Variants in ARFGEF2 observed in about 807,000 individuals in gnomAD.
The protein encoded by ARFGEF2 is ARF guanine nucleotide exchange factor 2, also known as brefeldin A-inhibited guanine nucleotide-exchange protein 2.
In ARFGEF2, 74 loss-of-function variants were observed where a neutral mutation model predicts 219.9. The ratio of observed to expected loss-of-function variants is 0.34; its 90% confidence interval spans 0.28 to 0.41. The LOEUF is 0.41. Ranked by LOEUF, ARFGEF2 falls within the 10% of genes least tolerant of loss-of-function variation. The probability of loss-of-function intolerance (pLI) is 1.00; values close to 1 mark genes in which losing one functional copy is unlikely to be tolerated. For missense variants in ARFGEF2, 1,743 were observed against 2,218.3 expected, an observed-to-expected ratio of 0.79 and a Z score of 4.30; for synonymous variants, 733 against 799.2, an observed-to-expected ratio of 0.92 and a Z score of 1.40.
At chr20:49,008,660 A>G (rs533032063) in intron 26 of ARFGEF2, among the ~76,000 whole-genome samples, 25 of 151,790 alleles carry the variant, frequency 1.6e-4, no homozygotes, top group African/African-American at 4.6e-4. Flanking sequence ...TAATAGAGAT[A>G]GTGAAACGTG....
intron 20 of ARFGEF2, 102 bp from the exon 21 acceptor site, chr20:48,990,937 AT>A: frequency 1.6e-6 from 2 of 1,282,324 alleles, no homozygotes; most frequent in Non-Finnish European, 2.2e-6. Flanking sequence ...GTCAATGTGC[AT>A]ACAAAAAGTA....
chr20:48,929,236 G>C (rs2090898353), intron 1 of ARFGEF2, among the ~76,000 whole-genome samples: 1 of 152,218 alleles, frequency 6.6e-6, no homozygotes, highest in Admixed American at 6.5e-5. Context: ...TGCCTTGGGT[G>C]TAAACAAGCC....
chr20:49,011,579 G>A (rs531024872), intron 27 of ARFGEF2, among the ~76,000 whole-genome samples: 1 of 152,272 alleles, frequency 6.6e-6, no homozygotes, highest in South Asian at 2.1e-4. Context: ...TTCTGCCTGC[G>A]AGCACGTAAC....
chr20:49,030,311 T>C (rs2091626349), intron 37 of ARFGEF2, among the ~76,000 whole-genome samples: 1 of 152,148 alleles, frequency 6.6e-6, no homozygotes. Flanking sequence ...ACTTGGAATT[T>C]TCAGCAATTG....
chr20:48,991,512 G>A (rs1450847644), intron 21 of ARFGEF2, among the ~76,000 whole-genome samples: 1 of 151,096 alleles, frequency 6.6e-6, no homozygotes, highest in Non-Finnish European at 1.5e-5. Flanking sequence ...GAGCTTGGGA[G>A]CTCCTGTGAT....
intron 1 of ARFGEF2, among the ~76,000 whole-genome samples, chr20:48,937,392 G>C (rs2090965336): frequency 6.6e-6 from 1 of 152,172 alleles, no homozygotes; most frequent in Non-Finnish European, 1.5e-5. Context: ...GACTTTTCAA[G>C]AGTGTCTTTC....
chr20:48,991,233 G>C, intron 21 of ARFGEF2, 35 bp downstream of exon 21: 1 of 1,613,728 alleles, frequency 6.2e-7, no homozygotes, highest in Non-Finnish European at 8.5e-7. Context: ...TTCTCAGTTA[G>C]GATGACTCCT....
intron 25 of ARFGEF2, among the ~76,000 whole-genome samples, chr20:49,001,082 G>C: frequency 9.9e-6 from 1 of 100,674 alleles, no homozygotes; most frequent in East Asian, 3.2e-4. Flanking sequence ...TTTTTTTTGA[G>C]ACAGAGTTTC....
Position 49,036,388 on chromosome 20 carries a change from A to AT in ARFGEF2, c.*3193dup, listed in dbSNP as rs2091666215. 2.5e-6 allele frequency: 1 copy of AT among 396,516 alleles called. No homozygotes were observed. Among genetic ancestry groups the AT allele is most frequent in the Non-Finnish European group, 4.4e-6 (1 of 225,334 alleles). The allele number at this position is 396,516 out of a possible 1,614,324, so 24.6% of individuals were successfully genotyped here. ...TACTCAGTGTTCTAATTTTTAAAAA[A>AT]TTTTATCTGCATATTTGCATCAAAT... On this transcript the variant is annotated 3_prime_UTR_variant, in exon 39 of 39. Transcript: ENST00000371917.
At chr20:48,922,150 A>G (rs2090846289) in intron 1 of ARFGEF2, 140 bp downstream of exon 1, 1 of 1,337,554 alleles carries the variant, frequency 7.5e-7, no homozygotes, top group Non-Finnish European at 1.0e-6. Flanking sequence ...CCTCCTCATT[A>G]TACCCCCGGA....
intron 35 of ARFGEF2, among the ~76,000 whole-genome samples, chr20:49,024,200 TGGACTCAAGCAA>T (rs2091586600): frequency 6.6e-6 from 1 of 151,790 alleles, no homozygotes; most frequent in African/African-American, 2.4e-5. Flanking sequence ...CTCAAACTCT[TGGACTCAAGCAA>T]TCTGCCCACC....
In ARFGEF2 at chr20:49,023,110, A is replaced by T; in HGVS notation, c.4684A>T (p.Thr1562Ser). 1 of 1,614,216 alleles carries T rather than the reference A, an allele frequency of 6.2e-7. No individual in the cohort carries two copies. The highest frequency in any genetic ancestry group is 8.5e-7 in the Non-Finnish European group (1 of 1,180,038). Residue 1562 changes from threonine to serine, a missense_variant, in exon 35 of 39, where the codon ACC (threonine) becomes TCC (serine). Coordinates refer to ENST00000371917, the MANE Select transcript of ARFGEF2 (RefSeq NM_006420.3). ...TGTGGTCCAGTTGGAATTGATACAG[A>T]CCATTGACAACATTGTGTTCTACCC... is the stretch of plus-strand genomic sequence containing the variant. ...KCVVQLELIQ[T>S]IDNIVFYPAT...
In ARFGEF2 at chr20:48,994,479, T is replaced by G; in HGVS notation, c.3002T>G (p.Leu1001Arg). 1 of 1,614,084 alleles carries G rather than the reference T, an allele frequency of 6.2e-7. No homozygotes were observed. The highest frequency in any genetic ancestry group is 8.5e-7 in the Non-Finnish European group (1 of 1,180,032). Reference sequence around the variant, plus strand: ...TTGAAATGCATCAGCCAGCTGGAGCTCGCTCAGCTGATAGGAACCGGTGTG... The same window carrying G: ...TTGAAATGCATCAGCCAGCTGGAGCGCGCTCAGCTGATAGGAACCGGTGTG... Reference protein sequence around the residue: ...EILKCISQLELAQLIGTGVKT... With the variant: ...EILKCISQLERAQLIGTGVKT... Residue 1001 changes from leucine (L) to arginine (R), a missense_variant, in exon 22 of 39, where the codon CTC becomes CGC. By Grantham distance (102) the Leu-to-Arg change is moderately radical. Coordinates refer to ENST00000371917, the MANE Select transcript of ARFGEF2 (RefSeq NM_006420.3).
chr20:48,927,275 A>G (rs2090883683), intron 1 of ARFGEF2, among the ~76,000 whole-genome samples: 1 of 152,212 alleles, frequency 6.6e-6, no homozygotes, highest in African/African-American at 2.4e-5. Flanking sequence ...TGTCCATATG[A>G]TACATAAATT....
intron 10 of ARFGEF2, among the ~76,000 whole-genome samples, chr20:48,971,794 G>C (rs1349382079): frequency 6.6e-6 from 1 of 151,876 alleles, no homozygotes; most frequent in African/African-American, 2.4e-5. Flanking sequence ...CCAGCTACTC[G>C]GGAGGCTGAG....
chr20:48,933,226 G>A (rs1414573664), intron 1 of ARFGEF2, among the ~76,000 whole-genome samples: 1 of 152,214 alleles, frequency 6.6e-6, no homozygotes, highest in African/African-American at 2.4e-5. Flanking sequence ...GGCAACGCCT[G>A]TTAAGATGTG....
Position 48,989,697 on chromosome 20 carries a change from C to A in ARFGEF2, c.2814+13C>A. 6.2e-7 allele frequency: 1 copy of A among 1,614,026 alleles called. No homozygotes were observed. The highest frequency in any genetic ancestry group is 1.1e-5 in the South Asian group (1 of 91,020). ...CTTTGGAATGCAGGTAGGTGTAAGT[C>A]AGCAACACTCCAGAGATACTGGTGG... is the stretch of plus-strand genomic sequence containing the variant. On this transcript the variant is annotated intron_variant, in intron 20 of 38. Coordinates refer to ENST00000371917, the MANE Select transcript of ARFGEF2 (RefSeq NM_006420.3).
At chr20:49,010,521 G>A in intron 27 of ARFGEF2, 117 bp downstream of exon 27, 1 of 1,192,532 alleles carries the variant, frequency 8.4e-7, no homozygotes, top group Non-Finnish European at 1.2e-6. Context: ...CTGTGATATA[G>A]TAATGTGCCA....
chr20:48,942,350 A>G (rs904712111), intron 3 of ARFGEF2, among the ~76,000 whole-genome samples: 13 of 151,486 alleles, frequency 8.6e-5, no homozygotes, highest in Non-Finnish European at 1.3e-4. Flanking sequence ...CAGTCTTGCT[A>G]TGTTGCCCAG....
Sources: gnomAD v4.1 joint callset for allele counts (sites outside exome capture counted in the v4.1 genomes callset) on GRCh38, gnomAD v4.1.1 for gene constraint, MANE v1.5 for transcripts, NCBI Gene and HGNC (gene_info 2026-07-23, HGNC 2026-07-21) for gene names.